The following CSTPP1 variants were observed in gnomAD, a reference collection of about 807,000 sequenced individuals.
CSTPP1 encodes UPF0705 protein C11orf49.
chr11:47,156,279 T>TC, the CSTPP1 span, among the ~76,000 whole-genome samples: 2 of 152,150 alleles, frequency 1.3e-5, no homozygotes, highest in Non-Finnish European at 2.9e-5. Context: ...AGAACATTTT[T>TC]CCCTCACTGT....
the CSTPP1 span, among the ~76,000 whole-genome samples, chr11:46,999,727 A>G: frequency 5.9e-5 from 9 of 152,298 alleles, no homozygotes; most frequent in East Asian, 1.5e-3. Flanking sequence ...TCCATCTTAC[A>G]GTTTCGAGTT....
the CSTPP1 span, among the ~76,000 whole-genome samples, chr11:46,943,476 A>C: frequency 6.6e-6 from 1 of 152,234 alleles, no homozygotes; most frequent in African/African-American, 2.4e-5. Context: ...AGTAAGGTCA[A>C]GTGATTCCAG....
the CSTPP1 span, chr11:47,159,655 A>T: frequency 2.2e-6 from 1 of 456,260 alleles, no homozygotes; most frequent in Non-Finnish European, 4.4e-6. Flanking sequence ...AGGAGAAGCC[A>T]ATTAGCAACT....
chr11:47,036,056 TTA>T, the CSTPP1 span, among the ~76,000 whole-genome samples: 24 of 9,648 alleles, frequency 2.5e-3, 9 homozygotes, highest in South Asian at 0.012. Context: ...TATATATATA[TTA>T]TATATATATA....
the CSTPP1 span, among the ~76,000 whole-genome samples, chr11:47,046,909 T>C: frequency 4.0e-5 from 6 of 149,530 alleles, no homozygotes; most frequent in Non-Finnish European, 8.9e-5. Flanking sequence ...CTTTTCTTTT[T>C]TTTTTTTTTG....
chr11:47,159,627 C>G, the CSTPP1 span: 8 of 456,156 alleles, frequency 1.8e-5, no homozygotes, highest in Admixed American at 1.9e-4. Flanking sequence ...TTCTTCCCAC[C>G]AGTAGCAGCC....
the CSTPP1 span, among the ~76,000 whole-genome samples, chr11:47,035,694 T>C: frequency 6.6e-6 from 1 of 152,184 alleles, no homozygotes; most frequent in Admixed American, 6.5e-5. Context: ...TTATAACAGA[T>C]TTGTGTATAT....
chr11:47,006,590 C>CT, the CSTPP1 span, among the ~76,000 whole-genome samples: 509 of 144,060 alleles, frequency 3.5e-3, 12 homozygotes, highest in South Asian at 0.058. Flanking sequence ...GTCTCTGTCT[C>CT]TTTTTTTTTT....
At chr11:47,157,050 A>G in the CSTPP1 span, 1 of 1,614,040 alleles carries the variant, frequency 6.2e-7, no homozygotes, top group Middle Eastern at 1.6e-4. Flanking sequence ...GCTGCCATCT[A>G]TGAGGACCTG....
the CSTPP1 span, among the ~76,000 whole-genome samples, chr11:47,138,859 G>C: frequency 6.6e-6 from 1 of 151,858 alleles, no homozygotes; most frequent in African/African-American, 2.4e-5. Flanking sequence ...CTTGCCTGTA[G>C]TCCCAGCTAT....
At chr11:47,084,534 C>T in the CSTPP1 span, among the ~76,000 whole-genome samples, 1 of 152,044 alleles carries the variant, frequency 6.6e-6, no homozygotes, top group Admixed American at 6.6e-5. Context: ...ATGTTTAGGC[C>T]TATAATTCAT....
At chr11:46,984,041 G>C in the CSTPP1 span, among the ~76,000 whole-genome samples, 1 of 152,192 alleles carries the variant, frequency 6.6e-6, no homozygotes, top group Non-Finnish European at 1.5e-5. Context: ...GTATGAAGGT[G>C]GGGGGACAGG....
At chr11:46,936,862 C>T in the CSTPP1 span, 1 of 1,575,302 alleles carries the variant, frequency 6.3e-7, no homozygotes, top group Non-Finnish European at 8.6e-7. Flanking sequence ...GTAGGAACCC[C>T]CTTTAACTTT....
At chr11:47,163,652 TTC>T in the CSTPP1 span, among the ~76,000 whole-genome samples, 1 of 152,170 alleles carries the variant, frequency 6.6e-6, no homozygotes, top group Non-Finnish European at 1.5e-5. Flanking sequence ...ATGTAATTTT[TTC>T]TTTTTTGAGA....
At chr11:46,949,067 T>A in the CSTPP1 span, among the ~76,000 whole-genome samples, 1 of 151,926 alleles carries the variant, frequency 6.6e-6, no homozygotes, top group African/African-American at 2.4e-5. Flanking sequence ...CTCACAGGAA[T>A]GAAAGATGAT....
At chr11:47,131,531 T>C in the CSTPP1 span, among the ~76,000 whole-genome samples, 1 of 152,238 alleles carries the variant, frequency 6.6e-6, no homozygotes, top group African/African-American at 2.4e-5. Flanking sequence ...TCTAACACTC[T>C]CTAGGATTAG....
the CSTPP1 span, among the ~76,000 whole-genome samples, chr11:47,096,758 TCTC>T: frequency 6.8e-6 from 1 of 146,856 alleles, no homozygotes; most frequent in East Asian, 2.0e-4. Context: ...TTTCTGAAAA[TCTC>T]CTCTCAATTA....
At chr11:47,024,784 C>A in the CSTPP1 span, among the ~76,000 whole-genome samples, 11 of 152,020 alleles carry the variant, frequency 7.2e-5, no homozygotes, top group African/African-American at 2.4e-4. Flanking sequence ...GTACCTCTTT[C>A]TCTGTGGTCT....
At chr11:47,142,499 TC>T in the CSTPP1 span, among the ~76,000 whole-genome samples, 22 of 152,214 alleles carry the variant, frequency 1.4e-4, no homozygotes, top group Admixed American at 1.2e-3. Flanking sequence ...AAGATATAGT[TC>T]CTGCCCCTCA....
Sources: allele counts gnomAD v4.1 joint callset (sites outside exome capture counted in the v4.1 genomes callset), GRCh38; gene constraint gnomAD v4.1.1; transcripts MANE v1.5; gene names NCBI Gene and HGNC (gene_info 2026-07-23, HGNC 2026-07-21).